The following MED12L variants were observed in gnomAD, a reference collection of about 807,000 sequenced individuals.
MED12L encodes the protein mediator complex subunit 12L, also known as mediator of RNA polymerase II transcription subunit 12-like protein.
Under a neutral mutation model 281.3 loss-of-function variants are expected in MED12L, and 60 were observed. That is an observed-to-expected ratio of 0.21 (90% CI 0.17 to 0.26). MED12L has a LOEUF of 0.26. Among genes scored for constraint, MED12L ranks in the 10% least tolerant of loss-of-function variants. The pLI is 1.00. For synonymous variants in MED12L, 974 were observed against 987.2 expected (o/e 0.99, Z 0.25); for missense variants, 2,146 against 2,680.9 (o/e 0.80, Z 4.41).
At chr3:151,416,743 T>C (rs1371211514) in intron 43 of MED12L, among the ~76,000 whole-genome samples, 3 of 152,254 alleles carry the variant, frequency 2.0e-5, no homozygotes, top group Non-Finnish European at 4.4e-5. Flanking sequence ...ACTATGTATG[T>C]TTAAAAGAGT....
chr3:151,277,686 A>G (rs1742122692), intron 16 of MED12L, among the ~76,000 whole-genome samples: 1 of 152,240 alleles, frequency 6.6e-6, no homozygotes, highest in South Asian at 2.1e-4. Flanking sequence ...GTCATAGACT[A>G]TAAATAAGTA....
intron 20 of MED12L, among the ~76,000 whole-genome samples, chr3:151,359,452 C>T (rs559657653): frequency 2.0e-4 from 30 of 152,250 alleles, no homozygotes; most frequent in African/African-American, 6.7e-4. Context: ...CAAGAAGTCT[C>T]CTTGGTTCCA....
chr3:151,381,763 T>G, intron 32 of MED12L, among the ~76,000 whole-genome samples: 1 of 152,188 alleles, frequency 6.6e-6, no homozygotes, highest in Non-Finnish European at 1.5e-5. Context: ...GCTTGTTGTT[T>G]AGTTAACTAC....
intron 16 of MED12L, among the ~76,000 whole-genome samples, chr3:151,222,597 G>A (rs1729587851): frequency 6.6e-6 from 1 of 152,206 alleles, no homozygotes; most frequent in African/African-American, 2.4e-5. Flanking sequence ...CATGTGAGAT[G>A]TGCTCCACCA....
At chr3:151,158,931 C>T in intron 7 of MED12L, 132 bp downstream of exon 7, 1 of 674,060 alleles carries the variant, frequency 1.5e-6, no homozygotes, top group Non-Finnish European at 2.6e-6. Context: ...GTCTTTGATG[C>T]TATAACACAT....
chr3:151,435,062 C>CTTTTT lies in MED12L; in HGVS notation c.*2274_*2278dup, dbSNP rs66791814. ...GTTAATTCTGTATCTTGAGAGGTTT[C>CTTTTT]TTTTTTTTTTTTTTTTTTTTCTTTT... is the stretch of plus-strand genomic sequence containing the variant. On this transcript the variant is annotated 3_prime_UTR_variant, in exon 45 of 45. Coordinates refer to ENST00000687756, the MANE Select transcript of MED12L (RefSeq NM_001393769.1). The CTTTTT allele has an allele frequency of 3.1e-3, 371 of 118,868 alleles. No individual in the cohort carries two copies. The highest frequency in any genetic ancestry group is 4.1e-3 in the Non-Finnish European group (237 of 57,132). The allele number at this position is 118,868 out of a possible 1,614,324, so 7.4% of individuals were successfully genotyped here. A position where few individuals can be genotyped will look rare whatever the true frequency, so the allele number is the denominator to read the frequency against.
intron 6 of MED12L, among the ~76,000 whole-genome samples, chr3:151,157,657 A>G (rs1719461286): frequency 6.6e-6 from 1 of 152,188 alleles, no homozygotes; most frequent in Non-Finnish European, 1.5e-5. Flanking sequence ...GACTGTAAAC[A>G]TTTTAAAAAT....
Position 151,432,761 on chromosome 3 carries a change from C to T in MED12L, c.6500C>T (p.Pro2167Leu), listed in dbSNP as rs367909092. 2.5e-6 allele frequency: 4 copies of T among 1,612,964 alleles called. No individual in the cohort carries two copies. Among genetic ancestry groups the T allele is most frequent in the Non-Finnish European group, 3.4e-6 (4 of 1,179,312 alleles). The change falls in exon 45 of 45, where the codon CCA becomes CTA. Residue 2167 changes from proline (P) to leucine (L), a missense_variant. Pro to Leu is a moderately conservative substitution (Grantham distance 98, BLOSUM62 -3). This residue lies in a region of MED12L where 25 missense variants were observed against 24.9 expected (regional missense o/e 1.00). Coordinates refer to ENST00000687756, the MANE Select transcript of MED12L (RefSeq NM_001393769.1). ...QLQKQLSSNQ[P>L]QQGVTPYGHP... ...TTATTTTTCTCCTTAGGCAACCAGC[C>T]ACAGCAAGGAGTGACTCCGTATGGG...
intron 2 of MED12L, among the ~76,000 whole-genome samples, chr3:151,111,298 A>G (rs182449622): frequency 6.6e-6 from 1 of 152,362 alleles, no homozygotes; most frequent in Admixed American, 6.5e-5. Flanking sequence ...GGTTGGGAGC[A>G]TAGACTTTTT....
chr3:151,093,639 T>C (rs916744892), intron 2 of MED12L, among the ~76,000 whole-genome samples: 2 of 152,236 alleles, frequency 1.3e-5, no homozygotes, highest in East Asian at 3.8e-4. Flanking sequence ...GTTCCCAGCA[T>C]AGGCTTGTTT....
At chr3:151,110,190 A>G (rs959261472) in intron 2 of MED12L, among the ~76,000 whole-genome samples, 4 of 152,184 alleles carry the variant, frequency 2.6e-5, no homozygotes, top group Admixed American at 1.3e-4. Flanking sequence ...TGCTGTTCCA[A>G]AATTTGGACT....
intron 16 of MED12L, chr3:151,199,432 C>T (rs370491001): frequency 5.9e-6 from 9 of 1,514,896 alleles, no homozygotes; most frequent in African/African-American, 4.2e-5. Context: ...GAAAAAATTT[C>T]TAAGACTCTG....
At chr3:151,337,254 A>G (rs1369597393) in intron 16 of MED12L, 1 of 152,380 alleles carries the variant, frequency 6.6e-6, no homozygotes, top group African/African-American at 2.4e-5. Context: ...AATCAAATAC[A>G]GTTTCAATTA....
At position 151,263,777 on chromosome 3, in the gene MED12L, T is replaced by C. The variant is rs144617673; in HGVS notation, c.2250+70111T>C. The stretch of plus-strand genomic sequence containing the variant: ...ATTCCCGTACCACCCCCCCCACTTA[T>C]CAGCTCTGTGACTCTTGGTAAAATA... On this transcript the variant is annotated intron_variant, in intron 16 of 44. Transcript: ENST00000687756. Among the ~76,000 whole-genome samples, 7 of 152,228 alleles carry C rather than the reference T, an allele frequency of 4.6e-5. 1 individual carries two copies. In the East Asian group the frequency reaches 1.3e-3, roughly 29 times the overall value.
intron 16 of MED12L, among the ~76,000 whole-genome samples, chr3:151,231,532 A>G (rs1310946556): frequency 6.6e-6 from 1 of 152,232 alleles, no homozygotes; most frequent in Non-Finnish European, 1.5e-5. Context: ...TCAATGAGCA[A>G]TCAGACAAAT....
rs1751850379 is a variant in MED12L, at chr3:151,341,714, C to T, written c.2251-8345C>T. Among the ~76,000 whole-genome samples, 3 of 151,990 alleles carry T rather than the reference C, an allele frequency of 2.0e-5. No homozygotes were observed. In the South Asian group the frequency reaches 6.2e-4, roughly 32 times the overall value. ...TTAGCATTAGGTATATCTCCTAAAG[C>T]TATCCCTCCCCCATCCCCCCACCCC... On this transcript the variant is annotated intron_variant, in intron 16 of 44. Transcript: ENST00000687756.
At chr3:151,143,575 C>A (rs1324146851) in intron 5 of MED12L, among the ~76,000 whole-genome samples, 1 of 152,196 alleles carries the variant, frequency 6.6e-6, no homozygotes, top group East Asian at 1.9e-4. Flanking sequence ...CAGCAAGTAT[C>A]TTTCACCAGT....
At chr3:151,246,391 CA>C (rs1479581225) in intron 16 of MED12L, among the ~76,000 whole-genome samples, 1 of 151,852 alleles carries the variant, frequency 6.6e-6, no homozygotes, top group Non-Finnish European at 1.5e-5. Flanking sequence ...CTACAGTAAC[CA>C]AAACAGCATG....
chr3:151,328,681 C>G (rs745665642), intron 16 of MED12L: 1 of 1,613,790 alleles, frequency 6.2e-7, no homozygotes. Context: ...CATACATGGT[C>G]TCATAAAATA....
Sources: allele counts gnomAD v4.1 joint callset (sites outside exome capture counted in the v4.1 genomes callset), GRCh38; gene constraint gnomAD v4.1.1; regional missense constraint gnomAD v4.1.1; transcripts MANE v1.5; gene names NCBI Gene and HGNC (gene_info 2026-07-23, HGNC 2026-07-21).